Variants in TNFRSF8 observed in about 807,000 individuals in gnomAD.
TNFRSF8 encodes the protein TNF receptor superfamily member 8.
In TNFRSF8, 26 loss-of-function variants were observed where a neutral mutation model predicts 70.8. The observed-to-expected ratio is 0.37, with a 90% confidence interval of 0.27 to 0.51. TNFRSF8 has a LOEUF of 0.51. TNFRSF8 is among the 20% of genes least tolerant of loss of function. The pLI is 0.94. For synonymous variants in TNFRSF8, 356 were observed against 339.2 expected (o/e 1.05, Z -0.54); for missense variants, 720 against 807.9 (o/e 0.89, Z 1.32).
At chr1:12,066,622 G>A (rs1569970109) in intron 1 of TNFRSF8, among the ~76,000 whole-genome samples, 1 of 151,732 alleles carries the variant, frequency 6.6e-6, no homozygotes, top group African/African-American at 2.4e-5. Context: ...CAAAGTGCTG[G>A]GATTACAGGC....
rs866457885 is a variant in TNFRSF8, at chr1:12,112,052, C to A, written c.793+38C>A. 6 of 1,523,214 alleles carry A rather than the reference C, an allele frequency of 3.9e-6. No homozygotes were observed. Among genetic ancestry groups the A allele is most frequent in the South Asian group, 1.1e-5 (1 of 88,420 alleles). The allele number at this position is 1,523,214 out of a possible 1,614,324, so 94.4% of individuals were successfully genotyped here. A position where few individuals can be genotyped will look rare whatever the true frequency, so the allele number is the denominator to read the frequency against. On this transcript the variant is annotated intron_variant, in intron 7 of 14. Coordinates refer to ENST00000263932, the MANE Select transcript of TNFRSF8 (RefSeq NM_001243.5). The surrounding 1 kb of genome is among the most constrained non-coding windows in gnomAD (Gnocchi z 5.3). Reference sequence around the variant, plus strand: ...TCCCTCCCCGGGCCTCAGTTTACCTCTCTGCATTTTTGAACCGTGAACTTC... The same window carrying A: ...TCCCTCCCCGGGCCTCAGTTTACCTATCTGCATTTTTGAACCGTGAACTTC...
chr1:12,070,144 G>A (rs1435486673), intron 1 of TNFRSF8, among the ~76,000 whole-genome samples: 1 of 92,260 alleles, frequency 1.1e-5, no homozygotes, highest in Non-Finnish European at 2.1e-5. Context: ...TCTGTCTGCT[G>A]TGGGGGGCTG....
In TNFRSF8 at chr1:12,063,590, GC is replaced by G. The variant is rs999012122; in HGVS notation, c.-5del. ...CGGCCGCCAGGCCACCTCACGTCCG[GC>G]CCCGGGGATGCGCGTCCTCCTCGCC... is the stretch of plus-strand genomic sequence containing the variant. On this transcript the variant is annotated 5_prime_UTR_variant, in exon 1 of 15. Coordinates refer to ENST00000263932, the MANE Select transcript of TNFRSF8 (RefSeq NM_001243.5). This position sits in a 1 kb window ranked among gnomAD's most constrained non-coding sequence, Gnocchi z 7.2. 6.1e-6 allele frequency: 8 copies of G among 1,309,314 alleles called. No individual in the cohort carries two copies. The African/African-American group carries it at 1.2e-4, about 20-fold the overall frequency. 81.1% of individuals were successfully genotyped at this position (1,309,314 alleles called of 1,614,324 possible).
chr1:12,118,963 C>T (rs2101019528), intron 8 of TNFRSF8, among the ~76,000 whole-genome samples: 1 of 152,294 alleles, frequency 6.6e-6, no homozygotes, highest in East Asian at 1.9e-4. Flanking sequence ...CTCCCGGGTT[C>T]AAGCAGTTTT....
rs189095264 is a variant in TNFRSF8 at position 12,130,049 on chromosome 1, C to T, written c.1309+3813C>T. Among the ~76,000 whole-genome samples, 91 of 152,244 alleles carry T rather than the reference C, an allele frequency of 6.0e-4. 1 individual carries two copies. Among genetic ancestry groups the T allele is most frequent in the Admixed American group, 5.0e-3 (76 of 15,282 alleles). On this transcript the variant is annotated intron_variant, in intron 12 of 14. Transcript: ENST00000263932. ...CCTCCCAAGTGGCTGGGATTACAGGCGTGTGCCACACAATGCCTGGCTCAT... is the reference window on the plus strand; with the variant it reads ...CCTCCCAAGTGGCTGGGATTACAGGTGTGTGCCACACAATGCCTGGCTCAT...
chr1:12,120,712 C>T (rs1641813197), intron 8 of TNFRSF8, among the ~76,000 whole-genome samples: 1 of 152,152 alleles, frequency 6.6e-6, no homozygotes, highest in Non-Finnish European at 1.5e-5. Context: ...CTTTTCTTCT[C>T]TTCCAGTAGG....
intron 2 of TNFRSF8, among the ~76,000 whole-genome samples, chr1:12,089,410 T>C (rs1014501848): frequency 1.3e-5 from 2 of 152,210 alleles, no homozygotes; most frequent in African/African-American, 4.8e-5. Context: ...ATTGTCCCCC[T>C]GGCACCTCCC....
intron 2 of TNFRSF8, among the ~76,000 whole-genome samples, chr1:12,095,384 T>A (rs957913091): frequency 6.6e-6 from 1 of 150,990 alleles, no homozygotes; most frequent in East Asian, 1.9e-4. Context: ...GCCTCCCGGG[T>A]TCAAGTGATT....
At chr1:12,121,425 C>A (rs1247985868) in intron 8 of TNFRSF8, among the ~76,000 whole-genome samples, 2 of 152,126 alleles carry the variant, frequency 1.3e-5, no homozygotes, top group Non-Finnish European at 1.5e-5. Flanking sequence ...TCCACCAGGG[C>A]TCTGGGGGTG....
At position 12,116,197 on chromosome 1, in the gene TNFRSF8, T is replaced by A. The variant is rs532308662; in HGVS notation, c.946+468T>A. Among the ~76,000 whole-genome samples the A allele has an allele frequency of 4.7e-3, 708 of 151,962 alleles. 6 individuals carry two copies. The highest frequency in any genetic ancestry group is 0.017 in the Middle Eastern group (5 of 294). The stretch of plus-strand genomic sequence containing the variant: ...GGTTTCTCCATGTTGGTCAGGCTGG[T>A]CTCGAACTCCCGACCTCAGGTGATC... On this transcript the variant is annotated intron_variant, in intron 8 of 14. Coordinates refer to ENST00000263932, the MANE Select transcript of TNFRSF8 (RefSeq NM_001243.5).
chr1:12,101,426 CA>C lies in TNFRSF8; in HGVS notation c.269-2941del, dbSNP rs112614202. Reference sequence around the variant, plus strand: ...TGGGCAACAGAGCAAGACCCTGTTTCAAAAAAAAAAAATGATAAAAAGTATA... The same window carrying C: ...TGGGCAACAGAGCAAGACCCTGTTTCAAAAAAAAAAATGATAAAAAGTATA... On this transcript the variant is annotated intron_variant, in intron 3 of 14. Transcript: ENST00000263932. 1.1e-3 allele frequency among the ~76,000 whole-genome samples: 162 copies of C among 141,968 alleles called. 3 individuals are homozygous for C. In the South Asian group the frequency reaches 0.014, roughly 12 times the overall value. 93.1% of individuals were successfully genotyped at this position (141,968 alleles called of 152,430 possible). A position where few individuals can be genotyped will look rare whatever the true frequency, so the allele number is the denominator to read the frequency against.
At chr1:12,122,390 C>T (rs1041849443) in intron 8 of TNFRSF8, among the ~76,000 whole-genome samples, 4 of 151,732 alleles carry the variant, frequency 2.6e-5, no homozygotes, top group African/African-American at 4.8e-5. Flanking sequence ...CTCACGCCTA[C>T]GATCCCAGCA....
intron 8 of TNFRSF8, among the ~76,000 whole-genome samples, chr1:12,118,114 C>A (rs186647763): frequency 1.8e-4 from 27 of 151,910 alleles, no homozygotes; most frequent in Admixed American, 2.6e-4. Flanking sequence ...CCTCCCCCCC[C>A]ACCCTTTTCT....
chr1:12,085,208 T>G (rs770407466), intron 2 of TNFRSF8, among the ~76,000 whole-genome samples: 2 of 152,120 alleles, frequency 1.3e-5, no homozygotes, highest in Non-Finnish European at 2.9e-5. Flanking sequence ...CCTCCCGGGT[T>G]CAAGCGATTC....
chr1:12,065,355 T>G (rs889951211), intron 1 of TNFRSF8, among the ~76,000 whole-genome samples: 1 of 152,142 alleles, frequency 6.6e-6, no homozygotes. Flanking sequence ...AGTGCTAGGG[T>G]TACAGGCATG....
intron 1 of TNFRSF8, among the ~76,000 whole-genome samples, chr1:12,070,800 A>G (rs1309166095): frequency 6.6e-6 from 1 of 152,142 alleles, no homozygotes; most frequent in African/African-American, 2.4e-5. Context: ...GGGGTTTTGG[A>G]GAAAAGTTCT....
At chr1:12,114,789 A>G (rs993689409) in intron 7 of TNFRSF8, among the ~76,000 whole-genome samples, 6 of 141,328 alleles carry the variant, frequency 4.2e-5, no homozygotes, top group Admixed American at 2.3e-4. Flanking sequence ...GCTCACTGCA[A>G]CCTCTGCCTC....
At position 12,117,430 on chromosome 1, in the gene TNFRSF8, G is replaced by T. The variant is rs537361091; in HGVS notation, c.946+1701G>T. ...AACATTGAAGGAATATCCGGGGAAAGTTCGGGCCACTAGTGGGGTGCTGTC... is the reference window on the plus strand; with the variant it reads ...AACATTGAAGGAATATCCGGGGAAATTTCGGGCCACTAGTGGGGTGCTGTC... On this transcript the variant is annotated intron_variant, in intron 8 of 14. Coordinates refer to ENST00000263932, the MANE Select transcript of TNFRSF8 (RefSeq NM_001243.5). Among the ~76,000 whole-genome samples the T allele has an allele frequency of 6.6e-5, 10 of 152,282 alleles. No individual in the cohort carries two copies. The South Asian group carries it at 1.9e-3, about 28-fold the overall frequency.
At chr1:12,067,910 G>C (rs1452133398) in intron 1 of TNFRSF8, among the ~76,000 whole-genome samples, 1 of 132,586 alleles carries the variant, frequency 7.5e-6, no homozygotes, top group Non-Finnish European at 1.6e-5. Context: ...GGGCGGGGGG[G>C]GGACCTGGAG....
Sources: gnomAD v4.1 joint callset for allele counts (sites outside exome capture counted in the v4.1 genomes callset) on GRCh38, gnomAD v4.1.1 for gene constraint, Gnocchi (gnomAD v3.1) non-coding constraint, MANE v1.5 for transcripts, NCBI Gene and HGNC (gene_info 2026-07-23, HGNC 2026-07-21) for gene names.